Variants in HDAC9 observed in about 807,000 individuals in gnomAD.
The protein encoded by HDAC9 is MEF-2 interacting transcription repressor (MITR) protein.
A neutral mutation model predicts 139.4 loss-of-function variants in HDAC9; 41 were observed. That is an observed-to-expected ratio of 0.29 (90% CI 0.23 to 0.38). The LOEUF is 0.38. HDAC9 is among the 10% of genes least tolerant of loss of function. The pLI is 1.00. For missense variants in HDAC9, 1,147 were observed against 1,297.0 expected (o/e 0.88, Z 1.78); for synonymous variants, 517 against 476.2 (o/e 1.09, Z -1.12).
rs116975565 is a variant in HDAC9, at chr7:18,885,728, T to C, written c.2803+11132T>C. Among the ~76,000 whole-genome samples, 36 of 152,330 alleles carry C rather than the reference T, an allele frequency of 2.4e-4. No individual in the cohort carries two copies. In the East Asian group the frequency reaches 6.9e-3, roughly 29 times the overall value. On this transcript the variant is annotated intron_variant, in intron 22 of 25. Coordinates refer to ENST00000686413, the MANE Select transcript of HDAC9 (RefSeq NM_178425.4). Reference sequence around the variant, plus strand: ...TAGAAGCTTCTCTGAATTGTGAAAATATTTTTCGAAAAGAAAATTTTTCCA... The same window carrying C: ...TAGAAGCTTCTCTGAATTGTGAAAACATTTTTCGAAAAGAAAATTTTTCCA...
At chr7:18,496,955 G>A (rs1586306387) in intron 2 of HDAC9, among the ~76,000 whole-genome samples, 2 of 152,120 alleles carry the variant, frequency 1.3e-5, no homozygotes, top group East Asian at 1.9e-4. Flanking sequence ...TCAGGCAGAT[G>A]TGATGGCATA....
At chr7:18,704,241 G>T (rs2129106795) in intron 12 of HDAC9, among the ~76,000 whole-genome samples, 1 of 152,308 alleles carries the variant, frequency 6.6e-6, no homozygotes, top group Non-Finnish European at 1.5e-5. Flanking sequence ...ATTCACCAAG[G>T]TGCAGTGTGT....
chr7:18,427,227 A>G (rs1790197847), intron 1 of HDAC9, among the ~76,000 whole-genome samples: 1 of 152,146 alleles, frequency 6.6e-6, no homozygotes, highest in East Asian at 1.9e-4. Flanking sequence ...CTGTTGAAGT[A>G]AGTTAAGTCC....
intron 2 of HDAC9, among the ~76,000 whole-genome samples, chr7:18,535,912 T>C (rs1445442044): frequency 6.6e-6 from 1 of 152,126 alleles, no homozygotes; most frequent in African/African-American, 2.4e-5. Context: ...GGGAACCAGA[T>C]GGTAGCCAAA....
intron 21 of HDAC9, among the ~76,000 whole-genome samples, chr7:18,844,761 A>G (rs1271686134): frequency 6.6e-6 from 1 of 152,160 alleles, no homozygotes; most frequent in Non-Finnish European, 1.5e-5. Context: ...AAGTTTTATT[A>G]CCCAAAGAGA....
At chr7:18,314,588 C>A (rs940004034) in intron 1 of HDAC9, among the ~76,000 whole-genome samples, 2 of 152,074 alleles carry the variant, frequency 1.3e-5, no homozygotes, top group Non-Finnish European at 2.9e-5. Context: ...GATGCTATAA[C>A]CTTCATTGTT....
At chr7:18,606,049 A>G (rs2128891136) in intron 6 of HDAC9, among the ~76,000 whole-genome samples, 1 of 152,292 alleles carries the variant, frequency 6.6e-6, no homozygotes, top group East Asian at 1.9e-4. Context: ...CCAACACCTC[A>G]TTAAAATTAC....
chr7:18,239,953 G>GTTT (rs34044255), intron 2 of HDAC9, among the ~76,000 whole-genome samples: 3 of 132,952 alleles, frequency 2.3e-5, no homozygotes, highest in South Asian at 2.4e-4. Context: ...GGTGCTGCAT[G>GTTT]TTTTTTTTTT....
At chr7:18,293,887 T>C (rs1776011127) in intron 1 of HDAC9, among the ~76,000 whole-genome samples, 1 of 152,136 alleles carries the variant, frequency 6.6e-6, no homozygotes, top group Admixed American at 6.6e-5. Context: ...ATGTAAACAT[T>C]TAATAAGTTT....
At chr7:18,561,615 C>T (rs1390820426) in intron 2 of HDAC9, among the ~76,000 whole-genome samples, 3 of 151,848 alleles carry the variant, frequency 2.0e-5, no homozygotes, top group African/African-American at 7.3e-5. Context: ...ATACTACCAG[C>T]CATAATTAAT....
intron 12 of HDAC9, among the ~76,000 whole-genome samples, chr7:18,707,184 C>CTGTT (rs1378386389): frequency 1.3e-5 from 2 of 152,190 alleles, no homozygotes; most frequent in African/African-American, 4.8e-5. Flanking sequence ...GTGAAGGAGA[C>CTGTT]TGTTTCAAGA....
intron 1 of HDAC9, among the ~76,000 whole-genome samples, chr7:18,376,149 G>C (rs2128707647): frequency 6.6e-6 from 1 of 152,152 alleles, no homozygotes; most frequent in Non-Finnish European, 1.5e-5. Context: ...GAGGGAGTAA[G>C]AGATACACGG....
Position 18,559,094 on chromosome 7 carries a change from G to C in HDAC9, c.23-26187G>C, listed in dbSNP as rs565466219. Among the ~76,000 whole-genome samples, 12 of 152,232 alleles carry C rather than the reference G, an allele frequency of 7.9e-5. No individual in the cohort carries two copies. The South Asian group carries it at 2.5e-3, about 32-fold the overall frequency. On this transcript the variant is annotated intron_variant, in intron 2 of 25. Coordinates refer to ENST00000686413, the MANE Select transcript of HDAC9 (RefSeq NM_178425.4). ...AGGGTTCACTCATCTACAGTTCCCTGAACTAAGTGAAGCATCCCCCGACTG... is the reference window on the plus strand; with the variant it reads ...AGGGTTCACTCATCTACAGTTCCCTCAACTAAGTGAAGCATCCCCCGACTG...
intron 1 of HDAC9, among the ~76,000 whole-genome samples, chr7:18,340,318 A>T (rs1357875190): frequency 6.6e-6 from 1 of 151,590 alleles, no homozygotes. Context: ...CCAATCTGGT[A>T]ATCTCCACCT....
chr7:18,730,169 C>T (rs892538055), intron 13 of HDAC9, among the ~76,000 whole-genome samples: 1 of 152,120 alleles, frequency 6.6e-6, no homozygotes, highest in African/African-American at 2.4e-5. Context: ...TATATATATA[C>T]TTGATATGTA....
intron 2 of HDAC9, among the ~76,000 whole-genome samples, chr7:18,249,956 A>G (rs995196988): frequency 2.0e-5 from 3 of 152,210 alleles, no homozygotes; most frequent in Admixed American, 1.3e-4. Flanking sequence ...AAGAAAATAA[A>G]TGTCTTTTCA....
chr7:18,157,837 G>GAA (rs1411615773), intron 1 of HDAC9, among the ~76,000 whole-genome samples: 2 of 151,400 alleles, frequency 1.3e-5, no homozygotes, highest in Non-Finnish European at 2.9e-5. Context: ...GAGAGAGAGA[G>GAA]AGAGAGAGAG....
At chr7:18,596,592 G>A (rs148179101) in intron 6 of HDAC9, among the ~76,000 whole-genome samples, 1 of 152,202 alleles carries the variant, frequency 6.6e-6, no homozygotes, top group East Asian at 1.9e-4. Flanking sequence ...GTGATGATTG[G>A]GGAAACTGTT....
At chr7:18,928,532 A>G (rs186320834) in intron 22 of HDAC9, among the ~76,000 whole-genome samples, 5 of 152,348 alleles carry the variant, frequency 3.3e-5, no homozygotes, top group African/African-American at 1.2e-4. Context: ...TTGATTATAC[A>G]CTAGGCTATT....
Sources: allele counts gnomAD v4.1 joint callset (sites outside exome capture counted in the v4.1 genomes callset), GRCh38; gene constraint gnomAD v4.1.1; transcripts MANE v1.5; gene names NCBI Gene and HGNC (gene_info 2026-07-23, HGNC 2026-07-21).